Variants in LYPD6 observed in about 807,000 individuals in gnomAD.
LYPD6 encodes the protein LY6/PLAUR domain containing 6, also known as ly6/PLAUR domain-containing protein 6.
A neutral mutation model predicts 22.7 loss-of-function variants in LYPD6; 15 were observed. That is an observed-to-expected ratio of 0.66 (90% CI 0.44 to 1.02). The LOEUF (loss-of-function observed/expected upper bound fraction) is 1.02. Among genes scored for constraint, LYPD6 ranks in the 50% least tolerant of loss-of-function variants. The pLI, the probability that LYPD6 is intolerant of heterozygous loss-of-function variation, is 0.00. For synonymous variants in LYPD6, 72 were observed against 77.5 expected, an observed-to-expected ratio of 0.93 and a Z score of 0.37; for missense variants, 189 against 208.4, an observed-to-expected ratio of 0.91 and a Z score of 0.57.
At chr2:149,399,110 C>T (rs563350589) in intron 1 of LYPD6, among the ~76,000 whole-genome samples, 1 of 151,942 alleles carries the variant, frequency 6.6e-6, no homozygotes, top group Admixed American at 6.6e-5. Context: ...AAAAAAAAAT[C>T]AAGCAGTGGT....
intron 1 of LYPD6, among the ~76,000 whole-genome samples, chr2:149,351,743 C>T (rs1681362820): frequency 6.6e-6 from 1 of 152,146 alleles, no homozygotes; most frequent in South Asian, 2.1e-4. Context: ...AAGATTGGGT[C>T]ACTGTAAGCC....
At chr2:149,362,594 T>G (rs1341041046) in intron 1 of LYPD6, among the ~76,000 whole-genome samples, 1 of 152,166 alleles carries the variant, frequency 6.6e-6, no homozygotes, top group Admixed American at 6.6e-5. Context: ...TTTACTTGTT[T>G]CATGGTTCCA....
In LYPD6 at chr2:149,335,054, AATG is replaced by A. The variant is rs1396620116; in HGVS notation, c.-72+4335_-72+4337del. 7.9e-5 allele frequency among the ~76,000 whole-genome samples: 12 copies of A among 152,192 alleles called. No homozygotes were observed. In the South Asian group the frequency reaches 1.2e-3, roughly 16 times the overall value. ...TTATGTACAGTACATACTACTTGAG[AATG>A]ATATTAAACACCTATGTTACTGATT... On this transcript the variant is annotated intron_variant, in intron 1 of 4. Coordinates refer to ENST00000334166, the MANE Select transcript of LYPD6 (RefSeq NM_194317.5).
intron 1 of LYPD6, among the ~76,000 whole-genome samples, chr2:149,409,283 ACCAG>A (rs1476593752): frequency 2.0e-5 from 3 of 152,186 alleles, no homozygotes; most frequent in Non-Finnish European, 4.4e-5. Flanking sequence ...AGCCGTGGAT[ACCAG>A]CACCTGCTCT....
At chr2:149,463,552 A>C (rs1211761551) in intron 3 of LYPD6, among the ~76,000 whole-genome samples, 1 of 152,176 alleles carries the variant, frequency 6.6e-6, no homozygotes, top group East Asian at 1.9e-4. Context: ...GAGAAGTAAA[A>C]AGTTATATTC....
Position 149,468,706 on chromosome 2 carries a change from C to G in LYPD6, c.279C>G (p.Thr93=), listed in dbSNP as rs763693892. The change falls in exon 4 of 5, where the codon ACC becomes ACG. Residue 93 remains threonine, a synonymous_variant. Transcript: ENST00000334166. ...TCACAGGAAACAGTATCTCAGTCAC[C>G]AAACGCTGTGTCCCACTGGAAGAGT... ...MEVTGNSISV[T]KRCVPLEECL... is the part of the protein sequence containing the mutation. The G allele has an allele frequency of 6.2e-7, 1 of 1,613,610 alleles. No homozygotes were observed. The highest frequency in any genetic ancestry group is 8.5e-7 in the Non-Finnish European group (1 of 1,179,708).
intron 1 of LYPD6, among the ~76,000 whole-genome samples, chr2:149,350,656 T>G (rs527278006): frequency 5.3e-5 from 8 of 152,370 alleles, no homozygotes; most frequent in African/African-American, 1.9e-4. Context: ...ATGCTACCCA[T>G]ACTGGCTACT....
intron 1 of LYPD6, among the ~76,000 whole-genome samples, chr2:149,387,171 T>C (rs867017097): frequency 6.6e-6 from 1 of 152,246 alleles, no homozygotes; most frequent in African/African-American, 2.4e-5. Flanking sequence ...TATTTTTATA[T>C]AATATTAACT....
At chr2:149,455,832 A>T (rs1680945718) in intron 3 of LYPD6, among the ~76,000 whole-genome samples, 1 of 152,074 alleles carries the variant, frequency 6.6e-6, no homozygotes, top group South Asian at 2.1e-4. Flanking sequence ...TTGCCTTCTG[A>T]ATTTCAGTGA....
intron 1 of LYPD6, among the ~76,000 whole-genome samples, chr2:149,402,683 T>C (rs1171161848): frequency 6.6e-6 from 1 of 152,178 alleles, no homozygotes; most frequent in East Asian, 1.9e-4. Context: ...GTATCTTCTT[T>C]TGAGAATTGT....
At chr2:149,430,380 G>A (rs2377269) in intron 1 of LYPD6, among the ~76,000 whole-genome samples, 44,244 of 152,044 alleles carry the variant, frequency 0.29, 8,327 homozygotes, top group African/African-American at 0.54. Flanking sequence ...GATTACAGGC[G>A]TGAGCTGCTG....
rs888354375 is a variant in LYPD6 at position 149,373,620 on chromosome 2, G to A, written c.-72+42898G>A. On this transcript the variant is annotated intron_variant, in intron 1 of 4. Coordinates refer to ENST00000334166, the MANE Select transcript of LYPD6 (RefSeq NM_194317.5). ...GTGAACTGTGGTGAGTGTTGTTGAG[G>A]AGTCAAGTAAGTGGAGGACTGAAAT... Among the ~76,000 whole-genome samples the A allele has an allele frequency of 2.0e-5, 3 of 152,122 alleles. No individual in the cohort carries two copies. In the South Asian group the frequency reaches 6.2e-4, roughly 32 times the overall value.
Position 149,470,845 on chromosome 2 carries a change from TTA to T in LYPD6, c.514_515del (p.Ter172ValfsTer52), listed in dbSNP as rs1262113552. 3.7e-6 allele frequency: 6 copies of T among 1,611,398 alleles called. No individual in the cohort carries two copies. In the African/African-American group the frequency reaches 6.7e-5, roughly 18 times the overall value. The part of the protein sequence containing the change: ...SCLWLWLGLM[L>X] ...CTTGTGGTTGTGGTTAGGGCTCATG[TTA>T]TAGTGGCTCAGTGGCTCCATGTGTT... On this transcript the variant is annotated frameshift_variant, in exon 5 of 5. Coordinates refer to ENST00000334166, the MANE Select transcript of LYPD6 (RefSeq NM_194317.5). LOFTEE classifies it high-confidence loss of function.
chr2:149,459,410 A>G (rs193273244), intron 3 of LYPD6, among the ~76,000 whole-genome samples: 128 of 152,350 alleles, frequency 8.4e-4, no homozygotes, highest in Admixed American at 2.2e-3. Flanking sequence ...CTCTATATGC[A>G]GAAAGGAAAT....
intron 1 of LYPD6, among the ~76,000 whole-genome samples, chr2:149,395,756 A>AT (rs1460553380): frequency 6.6e-6 from 1 of 152,110 alleles, no homozygotes; most frequent in African/African-American, 2.4e-5. Flanking sequence ...TTTGCAATTG[A>AT]TTTTTGATGA....
the LYPD6 span, among the ~76,000 whole-genome samples, chr2:149,482,190 A>G: frequency 1.3e-5 from 2 of 152,214 alleles, no homozygotes; most frequent in Admixed American, 1.3e-4. Flanking sequence ...TAATTTTTAA[A>G]TTTTGCCACA....
At chr2:149,399,230 A>G (rs1682498175) in intron 1 of LYPD6, among the ~76,000 whole-genome samples, 1 of 152,222 alleles carries the variant, frequency 6.6e-6, no homozygotes, top group African/African-American at 2.4e-5. Context: ...TGAAACTGCA[A>G]CAGTGTTATT....
intron 3 of LYPD6, among the ~76,000 whole-genome samples, chr2:149,455,315 G>A (rs1382823079): frequency 2.1e-5 from 3 of 146,070 alleles, no homozygotes; most frequent in African/African-American, 7.7e-5. Flanking sequence ...CTAGAGTGCA[G>A]TGGCACGATC....
chr2:149,363,625 G>A lies in LYPD6; in HGVS notation c.-72+32903G>A, dbSNP rs181220646. Reference sequence around the variant, plus strand: ...CAGTTGGCTCTGTAAATGTGGGCAAGTCAGCTAACCTAGATCTGTGTGCCT... The same window carrying A: ...CAGTTGGCTCTGTAAATGTGGGCAAATCAGCTAACCTAGATCTGTGTGCCT... On this transcript the variant is annotated intron_variant, in intron 1 of 4. Coordinates refer to ENST00000334166, the MANE Select transcript of LYPD6 (RefSeq NM_194317.5). 3.3e-3 allele frequency among the ~76,000 whole-genome samples: 503 copies of A among 152,298 alleles called. 3 individuals are homozygous for A. The highest frequency in any genetic ancestry group is 6.8e-3 in the Middle Eastern group (2 of 294).
Sources: gnomAD v4.1 joint callset for allele counts (sites outside exome capture counted in the v4.1 genomes callset) on GRCh38, gnomAD v4.1.1 for gene constraint, MANE v1.5 for transcripts, NCBI Gene and HGNC (gene_info 2026-07-23, HGNC 2026-07-21) for gene names.